The following RNGTT variants were observed in gnomAD, a reference collection of about 807,000 sequenced individuals.
RNGTT encodes mRNA-capping enzyme.
Under a neutral mutation model 79.3 loss-of-function variants are expected in RNGTT, and 33 were observed. That is an observed-to-expected ratio of 0.42 (90% CI 0.32 to 0.56). The LOEUF (loss-of-function observed/expected upper bound fraction) is 0.56, where lower values mean the gene tolerates loss of function less well. Among genes scored for constraint, RNGTT ranks in the 20% least tolerant of loss-of-function variants. The pLI is 0.17. For synonymous variants in RNGTT, 222 were observed against 235.9 expected (o/e 0.94, Z 0.54); for missense variants, 497 against 739.1 (o/e 0.67, Z 3.80).
intron 14 of RNGTT, among the ~76,000 whole-genome samples, chr6:88,641,733 G>A (rs1451996680): frequency 6.6e-6 from 1 of 152,194 alleles, no homozygotes; most frequent in Admixed American, 6.5e-5. Flanking sequence ...GTGAAGAAAG[G>A]GAGATTTTTG....
chr6:88,659,753 C>T (rs553663090), intron 14 of RNGTT, among the ~76,000 whole-genome samples: 1 of 152,280 alleles, frequency 6.6e-6, no homozygotes, highest in African/African-American at 2.4e-5. Context: ...ATAAAAACTT[C>T]CCTGGTCTTG....
intron 14 of RNGTT, among the ~76,000 whole-genome samples, chr6:88,662,995 A>G (rs1774246759): frequency 6.6e-6 from 1 of 152,076 alleles, no homozygotes; most frequent in African/African-American, 2.4e-5. Context: ...AGATTTCACT[A>G]TTGACTTTTG....
chr6:88,788,248 T>C (rs555099674), intron 12 of RNGTT, among the ~76,000 whole-genome samples: 13 of 149,272 alleles, frequency 8.7e-5, no homozygotes, highest in African/African-American at 3.0e-4. Flanking sequence ...CTAGAAAGAG[T>C]AGGGCATGAG....
At chr6:88,963,072 T>C (rs1044009914) in intron 1 of RNGTT, among the ~76,000 whole-genome samples, 1 of 152,078 alleles carries the variant, frequency 6.6e-6, no homozygotes, top group Non-Finnish European at 1.5e-5. Context: ...ACGCCCACTG[T>C]ATTCCTGGAT....
intron 11 of RNGTT, among the ~76,000 whole-genome samples, chr6:88,807,287 G>C (rs1196169223): frequency 1.3e-5 from 2 of 152,140 alleles, no homozygotes; most frequent in Non-Finnish European, 2.9e-5. Context: ...CATTGTAAAT[G>C]ATCTAGACAA....
rs141435001 is a variant in RNGTT at position 88,952,333 on chromosome 6, C to T, written c.64+11013G>A. 2.2e-3 allele frequency among the ~76,000 whole-genome samples: 337 copies of T among 152,284 alleles called. 3 individuals carry two copies. The highest frequency in any genetic ancestry group is 7.9e-3 in the African/African-American group (330 of 41,556). On this transcript the variant is annotated intron_variant, in intron 1 of 15. Coordinates refer to ENST00000369485, the MANE Select transcript of RNGTT (RefSeq NM_003800.5). ...CCCCTACCTGATGGTATTTCTCTACCTGCCCTGGTTGCTGAACACAAAAGA... is the reference window on the plus strand; with the variant it reads ...CCCCTACCTGATGGTATTTCTCTACTTGCCCTGGTTGCTGAACACAAAAGA...
At chr6:88,869,335 A>G (rs564342478) in intron 8 of RNGTT, among the ~76,000 whole-genome samples, 5 of 152,222 alleles carry the variant, frequency 3.3e-5, no homozygotes, top group Non-Finnish European at 7.4e-5. Flanking sequence ...ATAGCAGTTT[A>G]TAAAGGAGAA....
intron 1 of RNGTT, among the ~76,000 whole-genome samples, chr6:88,944,863 A>G (rs965855960): frequency 6.6e-6 from 1 of 152,198 alleles, no homozygotes; most frequent in Admixed American, 6.5e-5. Flanking sequence ...ATGTGACTAC[A>G]TTCCTCAAAG....
At chr6:88,676,384 A>C (rs1037508138) in intron 14 of RNGTT, among the ~76,000 whole-genome samples, 2 of 150,650 alleles carry the variant, frequency 1.3e-5, no homozygotes, top group African/African-American at 5.0e-5. Flanking sequence ...AAAAAAGATG[A>C]CAAAAAAAAA....
chr6:88,900,574 A>G (rs1347484741), intron 6 of RNGTT, among the ~76,000 whole-genome samples: 1 of 151,834 alleles, frequency 6.6e-6, no homozygotes, highest in Non-Finnish European at 1.5e-5. Flanking sequence ...TCTCTACTAA[A>G]AATACAAAAA....
chr6:88,791,676 A>T (rs533224277), intron 12 of RNGTT, among the ~76,000 whole-genome samples: 4 of 151,958 alleles, frequency 2.6e-5, no homozygotes, highest in Admixed American at 2.6e-4. Context: ...AGTAGCTGGG[A>T]CCACAGGCGC....
Position 88,873,369 on chromosome 6 carries a change from C to T in RNGTT, c.896+17126G>A, listed in dbSNP as rs1375375037. Among the ~76,000 whole-genome samples the T allele has an allele frequency of 2.0e-5, 3 of 152,224 alleles. No homozygotes were observed. In the East Asian group the frequency reaches 5.8e-4, roughly 29 times the overall value. ...ATAGAGATTCAAGAAGCTATCACAA[C>T]CATAAACCAAGAACAATTTGTCATG... is the stretch of plus-strand genomic sequence containing the variant. On this transcript the variant is annotated intron_variant, in intron 8 of 15. Transcript: ENST00000369485.
At chr6:88,773,520 AAAG>A (rs1778771523) in intron 12 of RNGTT, among the ~76,000 whole-genome samples, 1 of 151,720 alleles carries the variant, frequency 6.6e-6, no homozygotes. Flanking sequence ...AATCTTGAAA[AAAG>A]AAAAGAATTG....
intron 8 of RNGTT, among the ~76,000 whole-genome samples, chr6:88,886,527 A>G (rs974990810): frequency 2.6e-5 from 4 of 152,370 alleles, no homozygotes; most frequent in Non-Finnish European, 4.4e-5. Flanking sequence ...TTAAGGGCAC[A>G]TGGAAATTCT....
intron 12 of RNGTT, among the ~76,000 whole-genome samples, chr6:88,779,483 A>T (rs1778991178): frequency 6.6e-6 from 1 of 152,240 alleles, no homozygotes; most frequent in Non-Finnish European, 1.5e-5. Flanking sequence ...GATATTAAAT[A>T]TCATTCACAT....
At chr6:88,645,540 T>C (rs972850996) in intron 14 of RNGTT, among the ~76,000 whole-genome samples, 2 of 152,192 alleles carry the variant, frequency 1.3e-5, no homozygotes, top group African/African-American at 2.4e-5. Flanking sequence ...GAGCCTGCAT[T>C]GTCAAGACAA....
intron 13 of RNGTT, among the ~76,000 whole-genome samples, chr6:88,725,709 T>C (rs138326090): frequency 0.012 from 1,805 of 151,958 alleles, 28 homozygotes; most frequent in African/African-American, 0.04. Context: ...TGAGTGGGGG[T>C]TGAACCTCAC....
At chr6:88,886,565 G>A (rs375329776) in intron 8 of RNGTT, among the ~76,000 whole-genome samples, 1 of 152,192 alleles carries the variant, frequency 6.6e-6, no homozygotes, top group Non-Finnish European at 1.5e-5. Context: ...GACTTACTAA[G>A]TCTGACATAA....
At chr6:88,779,616 ATCAT>A (rs1470949328) in intron 12 of RNGTT, among the ~76,000 whole-genome samples, 1 of 152,186 alleles carries the variant, frequency 6.6e-6, no homozygotes. Context: ...TGCACATCAA[ATCAT>A]TCATATTAAT....
Sources: gnomAD v4.1 joint callset for allele counts (sites outside exome capture counted in the v4.1 genomes callset) on GRCh38, gnomAD v4.1.1 for gene constraint, MANE v1.5 for transcripts, NCBI Gene and HGNC (gene_info 2026-07-23, HGNC 2026-07-21) for gene names.